The following WDR7 variants were observed in gnomAD, a reference collection of about 807,000 sequenced individuals.
WDR7 encodes the protein WD repeat-containing protein 7.
WDR7 carries 46 observed loss-of-function variants against 169.4 expected under a neutral mutation model. The ratio of observed to expected loss-of-function variants is 0.27; its 90% CI spans 0.21 to 0.35. The LOEUF (loss-of-function observed/expected upper bound fraction) is 0.35. WDR7 is among the 10% of genes least tolerant of loss of function. The pLI, the probability that WDR7 is intolerant of heterozygous loss-of-function variation, is 1.00. For synonymous variants in WDR7, 612 were observed against 666.8 expected (o/e 0.92, Z 1.27); for missense variants, 1,534 against 1,859.3 (o/e 0.83, Z 3.22).
At chr18:56,827,049 G>A (rs1001461464) in intron 20 of WDR7, among the ~76,000 whole-genome samples, 1 of 152,194 alleles carries the variant, frequency 6.6e-6, no homozygotes, top group African/African-American at 2.4e-5. Context: ...TAGGAGTTAT[G>A]TAAGAGGTAA....
intron 26 of WDR7, 146 bp downstream of exon 26, chr18:56,962,675 C>A: frequency 1.4e-6 from 1 of 728,470 alleles, no homozygotes. Flanking sequence ...GAAGGACGCA[C>A]AGAATATAGA....
At chr18:57,014,147 G>A (rs1366323904) in intron 26 of WDR7, among the ~76,000 whole-genome samples, 2 of 151,894 alleles carry the variant, frequency 1.3e-5, no homozygotes, top group East Asian at 3.9e-4. Context: ...CCAACTTGGG[G>A]AAACCCTGTC....
At chr18:56,961,274 C>A (rs1223306677) in intron 25 of WDR7, among the ~76,000 whole-genome samples, 3 of 152,024 alleles carry the variant, frequency 2.0e-5, no homozygotes, top group Non-Finnish European at 4.4e-5. Flanking sequence ...CTGTCCCATG[C>A]CCTGGTATAT....
intron 11 of WDR7, among the ~76,000 whole-genome samples, chr18:56,695,557 A>G (rs1324027127): frequency 3.4e-5 from 5 of 146,516 alleles, no homozygotes; most frequent in Admixed American, 6.9e-5. Context: ...TTTTTTTCCG[A>G]GAAAGAGTCT....
chr18:57,018,347 T>A (rs2048237229), intron 26 of WDR7, among the ~76,000 whole-genome samples: 1 of 152,204 alleles, frequency 6.6e-6, no homozygotes, highest in South Asian at 2.1e-4. Context: ...GGAAGAAACT[T>A]TGAATTTTGA....
intron 26 of WDR7, among the ~76,000 whole-genome samples, chr18:57,006,778 GT>G (rs1568310466): frequency 6.6e-6 from 1 of 152,052 alleles, no homozygotes. Flanking sequence ...ATTGAAATTT[GT>G]ATCAAAACCA....
chr18:56,771,790 G>A (rs1599031490), intron 16 of WDR7, among the ~76,000 whole-genome samples: 1 of 151,966 alleles, frequency 6.6e-6, no homozygotes, highest in Admixed American at 6.6e-5. Flanking sequence ...GCTGAGGCAA[G>A]AGAATCTCTT....
rs75459445 is a variant in WDR7, at chr18:56,945,037, T to C, written c.4064+5644T>C. Among the ~76,000 whole-genome samples, 146 of 152,314 alleles carry C rather than the reference T, an allele frequency of 9.6e-4. 1 individual carries two copies. The East Asian group carries it at 0.027, about 28-fold the overall frequency. On this transcript the variant is annotated intron_variant, in intron 25 of 27. Coordinates refer to ENST00000254442, the MANE Select transcript of WDR7 (RefSeq NM_015285.3). ...CTAGCTTTTAACCTGTATGTATTTA[T>C]CCATCTGTGTATGCATGTACACATA...
intron 20 of WDR7, among the ~76,000 whole-genome samples, chr18:56,825,307 A>G (rs553104581): frequency 2.0e-5 from 3 of 152,332 alleles, no homozygotes; most frequent in East Asian, 1.9e-4. Context: ...TTGGGCAAAT[A>G]AATAGTAATT....
At position 56,696,224 on chromosome 18, in the gene WDR7, C is replaced by T. The variant is rs2025699747; in HGVS notation, c.1358-18C>T. ...AACCTTTAATTTTCCCATTTTAAAT[C>T]CAAACCCTCATTCACAGGTTGGCCA... is the stretch of plus-strand genomic sequence containing the variant. On this transcript the variant is annotated intron_variant, in intron 11 of 27. Transcript: ENST00000254442. The T allele has an allele frequency of 1.9e-6, 3 of 1,582,092 alleles. No homozygotes were observed. Among genetic ancestry groups the T allele is most frequent in the East Asian group, 4.5e-5 (2 of 44,348 alleles).
intron 26 of WDR7, among the ~76,000 whole-genome samples, chr18:56,987,114 T>C (rs2047732978): frequency 6.6e-6 from 1 of 152,052 alleles, no homozygotes; most frequent in Non-Finnish European, 1.5e-5. Flanking sequence ...ACAATTGTTT[T>C]GAGCGCTTCC....
chr18:56,675,214 T>G (rs993297622), intron 2 of WDR7, among the ~76,000 whole-genome samples: 1 of 152,206 alleles, frequency 6.6e-6, no homozygotes, highest in Non-Finnish European at 1.5e-5. Context: ...CATTTCCATA[T>G]GAATTTTAGA....
At chr18:56,825,395 TAGC>T (rs999682234) in intron 20 of WDR7, among the ~76,000 whole-genome samples, 11 of 152,222 alleles carry the variant, frequency 7.2e-5, no homozygotes, top group African/African-American at 2.4e-4. Flanking sequence ...CTCAATGACT[TAGC>T]AGCATTTATT....
At chr18:56,716,736 C>A (rs1391747620) in intron 12 of WDR7, among the ~76,000 whole-genome samples, 2 of 152,146 alleles carry the variant, frequency 1.3e-5, no homozygotes, top group African/African-American at 4.8e-5. Context: ...TGTGGTCAAA[C>A]AACTTTGGAG....
intron 18 of WDR7, among the ~76,000 whole-genome samples, chr18:56,780,227 AAT>A (rs1411729145): frequency 6.6e-6 from 1 of 152,188 alleles, no homozygotes; most frequent in Non-Finnish European, 1.5e-5. Context: ...TATTACTTGG[AAT>A]ATAATATTAC....
In WDR7 at chr18:56,935,482, A is replaced by G. The variant is rs528950195; in HGVS notation, c.3714-306A>G. Among the ~76,000 whole-genome samples the G allele has an allele frequency of 7.9e-5, 12 of 152,274 alleles. No homozygotes were observed. The Middle Eastern group carries it at 0.01, about 129-fold the overall frequency. ...AATATTCAGCACAATATTCGTTCTT[A>G]CCTCATTCTGAGCTTTGTGATATGT... On this transcript the variant is annotated intron_variant, in intron 22 of 27. Coordinates refer to ENST00000254442, the MANE Select transcript of WDR7 (RefSeq NM_015285.3).
intron 25 of WDR7, among the ~76,000 whole-genome samples, chr18:56,956,927 G>A (rs557465957): frequency 6.6e-6 from 1 of 152,234 alleles, no homozygotes; most frequent in Non-Finnish European, 1.5e-5. Flanking sequence ...AAAGTATGAA[G>A]TTTGGTAATA....
In WDR7 at chr18:56,776,823, T is replaced by C. The variant is rs370031128; in HGVS notation, c.2890T>C (p.Ser964Pro). ...VVSARSDADH[S>P]GSDPPSAPAL... ...TTCCGCTCGGTCTGATGCTGATCAC[T>C]CTGGCTCTGACCCTCCTTCTGCTCC... Residue 964 changes from serine (S) to proline (P), a missense_variant, in exon 17 of 28, where the codon TCT becomes CCT. Transcript: ENST00000254442. The C allele has an allele frequency of 2.0e-5, 32 of 1,613,728 alleles. No homozygotes were observed. The highest frequency in any genetic ancestry group is 2.7e-5 in the Non-Finnish European group (32 of 1,179,830).
chr18:56,949,129 T>TCTCA (rs1491092313), intron 25 of WDR7, among the ~76,000 whole-genome samples: 3 of 94,220 alleles, frequency 3.2e-5, no homozygotes, highest in Non-Finnish European at 6.4e-5. Flanking sequence ...TTTTCTAAAG[T>TCTCA]CTCTCTCTCT....
Sources: gnomAD v4.1 joint callset for allele counts (sites outside exome capture counted in the v4.1 genomes callset) on GRCh38, gnomAD v4.1.1 for gene constraint, MANE v1.5 for transcripts, NCBI Gene and HGNC (gene_info 2026-07-23, HGNC 2026-07-21) for gene names.